The following INTU variants were observed in gnomAD, a reference collection of about 807,000 sequenced individuals.
The protein encoded by INTU is inturned planar cell polarity protein.
INTU carries 68 observed loss-of-function variants against 100.5 expected under a neutral mutation model. The ratio of observed to expected loss-of-function variants is 0.68; its 90% CI spans 0.56 to 0.83. The LOEUF (loss-of-function observed/expected upper bound fraction) is 0.83. Among genes scored for constraint, INTU ranks in the 40% least tolerant of loss-of-function variants. The pLI, the probability that INTU is intolerant of heterozygous loss-of-function variation, is 0.00. For missense variants in INTU, 1,071 were observed against 1,114.7 expected (o/e 0.96, Z 0.56); for synonymous variants, 357 against 395.7 (o/e 0.90, Z 1.16).
rs752989332 is a variant in INTU at position 127,643,640 on chromosome 4, G to C, written c.266G>C (p.Arg89Thr). 1.2e-5 allele frequency: 19 copies of C among 1,613,578 alleles called. No homozygotes were observed. In the Admixed American group the frequency reaches 3.0e-4, roughly 26 times the overall value. ...LPETPTVNHV[R>T]FSENEIIIED... The stretch of plus-strand genomic sequence containing the variant: ...GAGACACCAACTGTGAACCATGTCA[G>C]GTTCAGTGAAAATGAGATTATCATT... The change falls in exon 2 of 16, where the codon AGG becomes ACG. Residue 89 changes from arginine (R) to threonine (T), a missense_variant. Coordinates refer to ENST00000335251, the MANE Select transcript of INTU (RefSeq NM_015693.4).
chr4:127,667,605 T>A (rs2126204764), intron 4 of INTU, among the ~76,000 whole-genome samples: 1 of 152,262 alleles, frequency 6.6e-6, no homozygotes, highest in Non-Finnish European at 1.5e-5. Context: ...TATATGGGTT[T>A]TTTTTGTTTA....
At position 127,725,449 on chromosome 4, in the gene INTU, T is replaced by C. The variant is rs1182463737; in HGVS notation, c.*9013T>C. 3 of 152,256 alleles carry C rather than the reference T, an allele frequency of 2.0e-5. No individual in the cohort carries two copies. Among genetic ancestry groups the C allele is most frequent in the Non-Finnish European group, 4.4e-5 (3 of 68,042 alleles). 9.4% of individuals were successfully genotyped at this position (152,256 alleles called of 1,614,324 possible). On this transcript the variant is annotated 3_prime_UTR_variant, in exon 16 of 16. Transcript: ENST00000335251. ...ACTTTGGTTAAAACAATTTATTAAA[T>C]GTCTTAAATTTCTGGATATGTCCCT...
rs1172294529 is a variant in INTU, at chr4:127,640,586, TATATAC to T, written c.147-2925_147-2920del. ...ATATATATATATATATATATATATA[TATATAC>T]ATATACATAAACACACATGTGTATA... On this transcript the variant is annotated intron_variant, in intron 1 of 15. Transcript: ENST00000335251. Among the ~76,000 whole-genome samples, 253 of 32,250 alleles carry T rather than the reference TATATAC, an allele frequency of 7.8e-3. 22 individuals are homozygous for T. Among genetic ancestry groups the T allele is most frequent in the African/African-American group, 0.02 (202 of 10,060 alleles). The allele number at this position is 32,250 out of a possible 152,430, so 21.2% of individuals were successfully genotyped here. A position where few individuals can be genotyped will look rare whatever the true frequency, so the allele number is the denominator to read the frequency against.
intron 5 of INTU, among the ~76,000 whole-genome samples, chr4:127,672,690 G>A (rs1448480924): frequency 1.3e-5 from 2 of 151,868 alleles, no homozygotes; most frequent in African/African-American, 2.4e-5. Context: ...TTAAACTATA[G>A]TAATATTAGT....
At chr4:127,660,920 A>AT (rs896497110) in intron 3 of INTU, among the ~76,000 whole-genome samples, 5 of 152,146 alleles carry the variant, frequency 3.3e-5, no homozygotes, top group Admixed American at 3.3e-4. Flanking sequence ...ATATCAACCT[A>AT]TTTTTTAAAA....
In INTU at chr4:127,644,042, G is replaced by A. The variant is rs146720875; in HGVS notation, c.668G>A (p.Gly223Asp). The part of the protein sequence containing the change: ...LLPGGSAMKS[G>D]QVLIGDVLVA... Reference sequence around the variant, plus strand: ...CCAGGGGGATCTGCTATGAAGAGCGGTCAGGTACTCATTGGTAAGTGTTGC... The same window carrying A: ...CCAGGGGGATCTGCTATGAAGAGCGATCAGGTACTCATTGGTAAGTGTTGC... Residue 223 changes from glycine to aspartate, a missense_variant, in exon 2 of 16, where the codon GGT (glycine) becomes GAT (aspartate). By Grantham distance (94) the Gly-to-Asp change is moderately conservative. Transcript: ENST00000335251. The A allele has an allele frequency of 1.5e-4, 248 of 1,612,346 alleles. No individual in the cohort carries two copies. The highest frequency in any genetic ancestry group is 1.9e-4 in the Non-Finnish European group (228 of 1,178,612).
chr4:127,708,477 T>C (rs75711707), intron 12 of INTU, 94 bp from the exon 13 acceptor site: 15,628 of 658,488 alleles, frequency 0.024, 384 homozygotes, highest in South Asian at 0.083. Context: ...AAATGGTAAG[T>C]AGTTCCCTCA....
chr4:127,649,137 C>T lies in INTU; in HGVS notation c.682+5081C>T, dbSNP rs79602207. 5.8e-3 allele frequency among the ~76,000 whole-genome samples: 884 copies of T among 152,242 alleles called. 6 individuals carry two copies. The highest frequency in any genetic ancestry group is 0.017 in the Middle Eastern group (5 of 294). On this transcript the variant is annotated intron_variant, in intron 2 of 15. Coordinates refer to ENST00000335251, the MANE Select transcript of INTU (RefSeq NM_015693.4). ...AGTGGCAACATTTTCATCTGTTTGC[C>T]AACCCTACAGATGGCCAAGTGATGC...
chr4:127,683,900 T>A (rs1430882809), intron 6 of INTU: 1 of 152,196 alleles, frequency 6.6e-6, no homozygotes, highest in African/African-American at 2.4e-5. Context: ...AATGAGAAAA[T>A]GTAAGTCCAT....
At chr4:127,639,679 T>C in intron 1 of INTU, among the ~76,000 whole-genome samples, 1 of 152,300 alleles carries the variant, frequency 6.6e-6, no homozygotes, top group Middle Eastern at 3.4e-3. Flanking sequence ...TATAATGTGA[T>C]GTTTCAATAG....
chr4:127,676,420 T>A (rs1290198343), intron 6 of INTU, among the ~76,000 whole-genome samples: 1 of 151,968 alleles, frequency 6.6e-6, no homozygotes, highest in East Asian at 1.9e-4. Context: ...ACCCCGTCTC[T>A]TCAGCAAATA....
At position 127,725,870 on chromosome 4, in the gene INTU, G is replaced by A. The variant is rs1202584020; in HGVS notation, c.*9434G>A. On this transcript the variant is annotated 3_prime_UTR_variant, in exon 16 of 16. Coordinates refer to ENST00000335251, the MANE Select transcript of INTU (RefSeq NM_015693.4). ...CTGCCTATTTTTCCAAATATGTTCA[G>A]AATCACATCTGAAACATCAAACTGA... The A allele has an allele frequency of 6.6e-6, 1 of 152,000 alleles. No homozygotes were observed. The highest frequency in any genetic ancestry group is 2.4e-5 in the African/African-American group (1 of 41,362). 9.4% of individuals were successfully genotyped at this position (152,000 alleles called of 1,614,324 possible). A position where few individuals can be genotyped will look rare whatever the true frequency, so the allele number is the denominator to read the frequency against.
At chr4:127,658,496 A>G (rs1299305607) in intron 3 of INTU, among the ~76,000 whole-genome samples, 3 of 152,210 alleles carry the variant, frequency 2.0e-5, no homozygotes, top group Non-Finnish European at 4.4e-5. Context: ...ATTGATTAAT[A>G]GTGAAGAATT....
At chr4:127,642,383 A>G (rs1233283541) in intron 1 of INTU, among the ~76,000 whole-genome samples, 8 of 152,176 alleles carry the variant, frequency 5.3e-5, no homozygotes. Context: ...TGTATTAATG[A>G]CCAGCCACAG....
chr4:127,663,408 G>A lies in INTU; in HGVS notation c.796G>A (p.Asp266Asn), dbSNP rs777217347. 2 of 1,612,748 alleles carry A rather than the reference G, an allele frequency of 1.2e-6. No homozygotes were observed. Among genetic ancestry groups the A allele is most frequent in the South Asian group, 2.2e-5 (2 of 91,034 alleles). ...QVKLTFENAY[D>N]VKRETSHPRQ... ...GAAACTGACATTTGAAAATGCATATGATGTGAAAAGGGAGACGTCCCATCC... is the reference window on the plus strand; with the variant it reads ...GAAACTGACATTTGAAAATGCATATAATGTGAAAAGGGAGACGTCCCATCC... Residue 266 changes from aspartate to asparagine, a missense_variant, in exon 4 of 16, where the codon GAT becomes AAT. Transcript: ENST00000335251.
intron 6 of INTU, among the ~76,000 whole-genome samples, chr4:127,680,034 C>T (rs796411143): frequency 3.3e-5 from 5 of 152,040 alleles, no homozygotes; most frequent in Non-Finnish European, 7.4e-5. Flanking sequence ...GACACATACA[C>T]CCTCCCAAGA....
chr4:127,704,807 G>T lies in INTU; in HGVS notation c.1566+517G>T, dbSNP rs547950294. Among the ~76,000 whole-genome samples, 19 of 149,528 alleles carry T rather than the reference G, an allele frequency of 1.3e-4. 1 individual carries two copies. The East Asian group carries it at 4.0e-3, about 31-fold the overall frequency. On this transcript the variant is annotated intron_variant, in intron 10 of 15. Transcript: ENST00000335251. ...TTTTTTATCCTGTGTTGAAAAGTCA[G>T]CTGGGCATGGTGGCTCACACCTGTA...
chr4:127,674,657 G>A lies in INTU; in HGVS notation c.1181+444G>A, dbSNP rs560893808. Among the ~76,000 whole-genome samples the A allele has an allele frequency of 4.6e-5, 7 of 152,170 alleles. No individual in the cohort carries two copies. In the East Asian group the frequency reaches 1.4e-3, roughly 29 times the overall value. On this transcript the variant is annotated intron_variant, in intron 6 of 15. Transcript: ENST00000335251. ...GTAACTCTAAAGTGACTTCTCTAAT[G>A]GTACATCTTATATTATCATGGTCTC...
At chr4:127,703,092 G>A (rs966095116) in intron 9 of INTU, among the ~76,000 whole-genome samples, 13 of 152,080 alleles carry the variant, frequency 8.5e-5, no homozygotes, top group African/African-American at 2.7e-4. Flanking sequence ...TCATACAGTA[G>A]GTAATTTTTG....
Sources: allele counts gnomAD v4.1 joint callset (sites outside exome capture counted in the v4.1 genomes callset), GRCh38; gene constraint gnomAD v4.1.1; transcripts MANE v1.5; gene names NCBI Gene and HGNC (gene_info 2026-07-23, HGNC 2026-07-21).